The following ADARB2 variants were observed in gnomAD, a reference collection of about 807,000 sequenced individuals.
ADARB2 encodes the protein inactive double-stranded RNA-specific editase B2.
ADARB2 carries 25 observed loss-of-function variants against 62.2 expected under a neutral mutation model. The ratio of observed to expected loss-of-function variants is 0.40; its 90% CI spans 0.29 to 0.56. The LOEUF (loss-of-function observed/expected upper bound fraction) is 0.56, where lower values mean the gene tolerates loss of function less well. ADARB2 is among the 20% of genes least tolerant of loss of function. The pLI is 0.43. For missense variants in ADARB2, 1,071 were observed against 1,077.4 expected (o/e 0.99, Z 0.08); for synonymous variants, 572 against 500.8 (o/e 1.14, Z -1.90).
intron 3 of ADARB2, among the ~76,000 whole-genome samples, chr10:1,307,715 T>C (rs61832050): frequency 1.7e-4 from 15 of 89,104 alleles, no homozygotes; most frequent in Non-Finnish European, 2.1e-4. Context: ...ATTAAGAAAA[T>C]GTGGCACATA....
At chr10:1,520,449 T>C (rs2131951226) in intron 1 of ADARB2, among the ~76,000 whole-genome samples, 1 of 152,306 alleles carries the variant, frequency 6.6e-6, no homozygotes, top group South Asian at 2.1e-4. Context: ...ACCATGGCCA[T>C]ACTTTATATT....
intron 8 of ADARB2, chr10:1,187,794 C>A: frequency 2.5e-6 from 1 of 396,328 alleles, no homozygotes; most frequent in Admixed American, 2.6e-5. Context: ...GCGAGGGAGG[C>A]GCTGGCGGGT....
intron 1 of ADARB2, among the ~76,000 whole-genome samples, chr10:1,612,097 G>A (rs1833579939): frequency 6.6e-6 from 1 of 152,214 alleles, no homozygotes; most frequent in Admixed American, 6.5e-5. Context: ...CCAGCTGGCA[G>A]GTCCTGTGAC....
At chr10:1,284,607 A>C (rs1251544129) in intron 3 of ADARB2, among the ~76,000 whole-genome samples, 4 of 152,170 alleles carry the variant, frequency 2.6e-5, no homozygotes, top group Non-Finnish European at 4.4e-5. Flanking sequence ...AACTGTAGCA[A>C]AAGAGTTTTA....
At chr10:1,696,156 G>GTATA (rs560382014) in intron 1 of ADARB2, among the ~76,000 whole-genome samples, 1 of 149,800 alleles carries the variant, frequency 6.7e-6, no homozygotes, top group Non-Finnish European at 1.5e-5. Flanking sequence ...TTGTGTGTAT[G>GTATA]TGTTTGCATG....
intron 1 of ADARB2, among the ~76,000 whole-genome samples, chr10:1,705,788 G>C (rs952254858): frequency 6.6e-6 from 1 of 152,190 alleles, no homozygotes; most frequent in Non-Finnish European, 1.5e-5. Flanking sequence ...GTCCGCCTCT[G>C]TGGATAATGA....
chr10:1,266,161 G>C (rs1010237236), intron 4 of ADARB2, among the ~76,000 whole-genome samples: 2 of 152,256 alleles, frequency 1.3e-5, no homozygotes, highest in African/African-American at 2.4e-5. Context: ...CACGCCCTCT[G>C]AGAAGATGGC....
intron 3 of ADARB2, among the ~76,000 whole-genome samples, chr10:1,341,240 C>T (rs1314752562): frequency 1.3e-5 from 2 of 150,832 alleles, no homozygotes; most frequent in Non-Finnish European, 3.0e-5. Context: ...TGGCAATAAC[C>T]AGCATCCACC....
intron 1 of ADARB2, among the ~76,000 whole-genome samples, chr10:1,611,975 G>A (rs1419726122): frequency 6.6e-6 from 1 of 152,116 alleles, no homozygotes; most frequent in Non-Finnish European, 1.5e-5. Flanking sequence ...CCCCGTGTGA[G>A]CAAGGAGACC....
chr10:1,328,167 T>G (rs1589193997), intron 3 of ADARB2, among the ~76,000 whole-genome samples: 1 of 151,784 alleles, frequency 6.6e-6, no homozygotes, highest in Non-Finnish European at 1.5e-5. Flanking sequence ...AATAGAGGAG[T>G]CAGTGTGTGT....
intron 1 of ADARB2, among the ~76,000 whole-genome samples, chr10:1,649,493 A>T (rs986394088): frequency 6.6e-6 from 1 of 152,180 alleles, no homozygotes. Context: ...TCCGTGGCTC[A>T]TTTGACAGCT....
chr10:1,292,437 C>G (rs1831474938), intron 3 of ADARB2: 1 of 152,224 alleles, frequency 6.6e-6, no homozygotes, highest in South Asian at 2.1e-4. Flanking sequence ...ACCTGAGGCC[C>G]TTCTCTACTG....
intron 1 of ADARB2, among the ~76,000 whole-genome samples, chr10:1,488,404 C>T (rs2131929750): frequency 6.6e-6 from 1 of 152,344 alleles, no homozygotes; most frequent in South Asian, 2.1e-4. Flanking sequence ...CTACAATTTG[C>T]TGCAGGCAGA....
At chr10:1,499,691 T>C (rs998029380) in intron 1 of ADARB2, among the ~76,000 whole-genome samples, 12 of 152,074 alleles carry the variant, frequency 7.9e-5, no homozygotes, top group African/African-American at 2.9e-4. Context: ...CATCATTCAC[T>C]CATTACTCAC....
At chr10:1,713,864 C>T (rs544878767) in intron 1 of ADARB2, among the ~76,000 whole-genome samples, 3 of 152,318 alleles carry the variant, frequency 2.0e-5, no homozygotes, top group Admixed American at 1.3e-4. Flanking sequence ...CGGTTACAGA[C>T]GTACATAAAA....
At chr10:1,361,863 G>A (rs566015750) in intron 3 of ADARB2, among the ~76,000 whole-genome samples, 16 of 152,302 alleles carry the variant, frequency 1.1e-4, no homozygotes, top group African/African-American at 3.9e-4. Context: ...GACGAGTCCC[G>A]CACTGGGCTA....
intron 1 of ADARB2, among the ~76,000 whole-genome samples, chr10:1,559,713 C>T (rs1349660526): frequency 5.9e-5 from 9 of 152,166 alleles, no homozygotes; most frequent in African/African-American, 1.4e-4. Context: ...GTCCTGCCCT[C>T]GGTTGACTGA....
intron 1 of ADARB2, among the ~76,000 whole-genome samples, chr10:1,615,534 C>T (rs950417635): frequency 1.3e-5 from 2 of 152,192 alleles, no homozygotes; most frequent in Non-Finnish European, 2.9e-5. Context: ...ACACCAAGTC[C>T]GATGCATGCC....
At chr10:1,366,535 A>T (rs1025684142) in intron 2 of ADARB2, among the ~76,000 whole-genome samples, 2 of 152,156 alleles carry the variant, frequency 1.3e-5, no homozygotes, top group African/African-American at 4.8e-5. Context: ...TGCCCCAGTC[A>T]GCCCTGGGGA....
Sources: gnomAD v4.1 joint callset for allele counts (sites outside exome capture counted in the v4.1 genomes callset) on GRCh38, gnomAD v4.1.1 for gene constraint, MANE v1.5 for transcripts, NCBI Gene and HGNC (gene_info 2026-07-23, HGNC 2026-07-21) for gene names.